RYR3: variants seen among roughly 807,000 people sequenced by gnomAD.
RYR3 encodes ryanodine receptor 3.
In RYR3, 207 loss-of-function variants were observed where a neutral mutation model predicts 584.3. The ratio of observed to expected loss-of-function variants is 0.35; its 90% CI spans 0.32 to 0.40. The LOEUF (loss-of-function observed/expected upper bound fraction) is 0.40. RYR3 is among the 10% of genes least tolerant of loss of function. RYR3 has a pLI of 1.00. For missense variants in RYR3, 5,616 were observed against 6,089.2 expected (o/e 0.92, Z 2.59); for synonymous variants, 2,416 against 2,248.5 (o/e 1.07, Z -2.11).
chr15:33,747,301 A>T (rs532547925), intron 53 of RYR3, among the ~76,000 whole-genome samples: 1 of 151,454 alleles, frequency 6.6e-6, no homozygotes. Flanking sequence ...CTAGTGTCAC[A>T]TGTAAAGGCT....
At chr15:33,745,785 A>G (rs2070639632) in intron 52 of RYR3, among the ~76,000 whole-genome samples, 1 of 152,226 alleles carries the variant, frequency 6.6e-6, no homozygotes, top group Non-Finnish European at 1.5e-5. Context: ...CACCATTCCC[A>G]GGGCCTTTTG....
chr15:33,323,439 C>T (rs1051771292), intron 1 of RYR3, among the ~76,000 whole-genome samples: 3 of 152,112 alleles, frequency 2.0e-5, no homozygotes, highest in African/African-American at 7.2e-5. Flanking sequence ...GAGCCTACTC[C>T]CCAGTGGCTG....
At chr15:33,442,067 C>G (rs1218157755) in intron 1 of RYR3, among the ~76,000 whole-genome samples, 2 of 152,178 alleles carry the variant, frequency 1.3e-5, no homozygotes, top group Admixed American at 1.3e-4. Flanking sequence ...AGAGAGACAT[C>G]AAACCCAGAA....
intron 94 of RYR3, chr15:33,850,788 T>C (rs1284335802): frequency 6.6e-6 from 1 of 152,200 alleles, no homozygotes; most frequent in East Asian, 1.9e-4. Context: ...AAATCCCCTG[T>C]ATTATCCTCC....
chr15:33,649,532 C>A (rs143945073), intron 31 of RYR3, among the ~76,000 whole-genome samples: 103 of 152,172 alleles, frequency 6.8e-4, no homozygotes, highest in African/African-American at 2.3e-3. Flanking sequence ...TGGGCAAGTC[C>A]CAGTTTCTAC....
intron 3 of RYR3, among the ~76,000 whole-genome samples, chr15:33,513,395 C>T (rs1370166592): frequency 1.3e-5 from 2 of 152,140 alleles, no homozygotes. Flanking sequence ...GACCAACACT[C>T]CAGTCCTATG....
rs751731168 is a variant in RYR3 at position 33,860,575 on chromosome 15, C to T, written c.14300-20C>T. 6.6e-7 allele frequency: 1 copy of T among 1,520,960 alleles called. No individual in the cohort carries two copies. Among genetic ancestry groups the T allele is most frequent in the Non-Finnish European group, 9.0e-7 (1 of 1,114,980 alleles). The allele number at this position is 1,520,960 out of a possible 1,614,324, so 94.2% of individuals were successfully genotyped here. A position where few individuals can be genotyped will look rare whatever the true frequency, so the allele number is the denominator to read the frequency against. On this transcript the variant is annotated intron_variant, in intron 100 of 103. Coordinates refer to ENST00000634891, the MANE Select transcript of RYR3 (RefSeq NM_001036.6). ...TGAACCACTACACAGATTGCTTTGT[C>T]TTTGTATTTAACATTCCAGGTCTTA...
chr15:33,334,230 C>A (rs910349793), intron 1 of RYR3, among the ~76,000 whole-genome samples: 2 of 152,142 alleles, frequency 1.3e-5, no homozygotes, highest in African/African-American at 4.8e-5. Flanking sequence ...CCAAGGCAAT[C>A]CTAAGCAAAA....
chr15:33,372,483 C>A (rs978464550), intron 1 of RYR3, among the ~76,000 whole-genome samples: 1 of 151,468 alleles, frequency 6.6e-6, no homozygotes, highest in Non-Finnish European at 1.5e-5. Context: ...TCCTCCCTCA[C>A]CCTCCCGAGT....
chr15:33,738,029 A>G (rs2069674546), intron 49 of RYR3, among the ~76,000 whole-genome samples: 1 of 152,144 alleles, frequency 6.6e-6, no homozygotes, highest in Non-Finnish European at 1.5e-5. Context: ...GCAGCCCACC[A>G]TCCTCTCCCC....
At chr15:33,650,824 A>G (rs1406032070) in intron 31 of RYR3, among the ~76,000 whole-genome samples, 3 of 152,218 alleles carry the variant, frequency 2.0e-5, no homozygotes, top group African/African-American at 7.2e-5. Flanking sequence ...GACCTATGCA[A>G]TTCAAACCCA....
chr15:33,437,103 A>T (rs2596232), intron 1 of RYR3, among the ~76,000 whole-genome samples: 26,299 of 147,518 alleles, frequency 0.18, 3,104 homozygotes, highest in African/African-American at 0.36. Flanking sequence ...AGTGTGTGTG[A>T]GAGAGAGAGA....
At position 33,731,636 on chromosome 15, in the gene RYR3, C is replaced by A. The variant is rs770600412; in HGVS notation, c.7366C>A (p.Arg2456Ser). 54 of 1,613,812 alleles carry A rather than the reference C, an allele frequency of 3.3e-5. No individual in the cohort carries two copies. The highest frequency in any genetic ancestry group is 4.5e-5 in the Non-Finnish European group (53 of 1,179,716). ...GACAATATACAGGCTATCCAAGGGA[C>A]GTTCCCTCACCAAAGCACAAAGGGA... is the stretch of plus-strand genomic sequence containing the variant. The part of the protein sequence containing the change: ...LQTIYRLSKG[R>S]SLTKAQRDTI... The change falls in exon 48 of 104, where the codon CGT (arginine) becomes AGT (serine). Residue 2456 changes from arginine (R) to serine (S), a missense_variant. Physicochemically the swap from Arg to Ser is moderately radical, Grantham distance 110. Transcript: ENST00000634891.
rs199722591 is a variant in RYR3 at position 33,491,559 on chromosome 15, A to T, written c.172-12072A>T. ...CATTCTGCCTAGTGTTGCCAAGTGA[A>T]CTCAACCATTATGTATTGGAGATAA... On this transcript the variant is annotated intron_variant, in intron 2 of 103. Coordinates refer to ENST00000634891, the MANE Select transcript of RYR3 (RefSeq NM_001036.6). Among the ~76,000 whole-genome samples, 3 of 152,108 alleles carry T rather than the reference A, an allele frequency of 2.0e-5. No homozygotes were observed. The East Asian group carries it at 5.8e-4, about 29-fold the overall frequency.
At chr15:33,813,169 T>C (rs1170537930) in intron 73 of RYR3, among the ~76,000 whole-genome samples, 175 bp downstream of exon 73, 1 of 152,142 alleles carries the variant, frequency 6.6e-6, no homozygotes, top group Admixed American at 6.5e-5. Flanking sequence ...ATAGGAGACC[T>C]CTCCATTATT....
At chr15:33,479,396 T>G (rs2049744380) in intron 2 of RYR3, among the ~76,000 whole-genome samples, 1 of 149,336 alleles carries the variant, frequency 6.7e-6, no homozygotes, top group Non-Finnish European at 1.5e-5. Context: ...GGACCTGAGA[T>G]CTTATGAAAG....
intron 1 of RYR3, among the ~76,000 whole-genome samples, chr15:33,452,555 C>T (rs2047218824): frequency 6.6e-6 from 1 of 152,088 alleles, no homozygotes; most frequent in East Asian, 1.9e-4. Flanking sequence ...AATGATAGAT[C>T]ATAACAAAAT....
rs760837521 is a variant in RYR3, at chr15:33,838,871, A to T, written c.12891A>T (p.Glu4297Asp). ...KKEGSLKHGP[E>D]VGLGDLSEII... is the part of the protein sequence containing the mutation. ...AGGGCAGCTTAAAGCATGGGCCTGA[A>T]GTGGGTTTGGGTGACCTCTCAGAAA... The change falls in exon 89 of 104, where the codon GAA becomes GAT. Residue 4297 changes from glutamate (E) to aspartate (D), a missense_variant. Physicochemically the swap from Glu to Asp is conservative, Grantham distance 45. Transcript: ENST00000634891. The T allele has an allele frequency of 1.9e-6, 3 of 1,613,980 alleles. No homozygotes were observed. Among genetic ancestry groups the T allele is most frequent in the Non-Finnish European group, 2.5e-6 (3 of 1,179,868 alleles).
chr15:33,583,179 A>C (rs59973075), intron 14 of RYR3, among the ~76,000 whole-genome samples: 16,918 of 152,140 alleles, frequency 0.11, 2,670 homozygotes, highest in African/African-American at 0.35. Context: ...TGAGAATTTG[A>C]GTTTTTAACA....
Sources: gnomAD v4.1 joint callset for allele counts (sites outside exome capture counted in the v4.1 genomes callset) on GRCh38, gnomAD v4.1.1 for gene constraint, MANE v1.5 for transcripts, NCBI Gene and HGNC (gene_info 2026-07-23, HGNC 2026-07-21) for gene names.